STIM1: variants seen among roughly 807,000 people sequenced by gnomAD.
The protein encoded by STIM1 is stromal interaction molecule 1.
In STIM1, 25 loss-of-function variants were observed where a neutral mutation model predicts 74.7. That is an observed-to-expected ratio of 0.33 (90% CI 0.24 to 0.47). STIM1 has a LOEUF of 0.47. Ranked by LOEUF, STIM1 falls within the 20% of genes least tolerant of loss-of-function variation. The pLI is 1.00. For synonymous variants in STIM1, 328 were observed against 348.8 expected (o/e 0.94, Z 0.66); for missense variants, 728 against 920.8 (o/e 0.79, Z 2.71).
rs534701274 is a variant in STIM1 at position 4,082,122 on chromosome 11, A to T, written c.970-62A>T. 1.9e-3 allele frequency: 2,902 copies of T among 1,541,170 alleles called. 9 individuals are homozygous for T. Among genetic ancestry groups the T allele is most frequent in the Middle Eastern group, 2.4e-3 (14 of 5,728 alleles). On this transcript the variant is annotated intron_variant, in intron 7 of 12. Coordinates refer to ENST00000526596, the MANE Select transcript of STIM1 (RefSeq NM_001382567.1). ...TAAGAAGTCTGAGTTCTGAAGCATC[A>T]TACAGAGATGTTGGAGAGTCTTAGT...
intron 12 of STIM1, 176 bp downstream of exon 12, chr11:4,086,719 A>C: frequency 6.5e-7 from 1 of 1,537,570 alleles, no homozygotes; most frequent in Non-Finnish European, 8.7e-7. Context: ...TACCACCACC[A>C]CCACCACCAC....
intron 1 of STIM1, among the ~76,000 whole-genome samples, chr11:3,920,072 C>G (rs957108285): frequency 6.6e-6 from 1 of 151,860 alleles, no homozygotes; most frequent in Non-Finnish European, 1.5e-5. Context: ...AGCAAGACCC[C>G]TGTTTCTTAA....
intron 1 of STIM1, among the ~76,000 whole-genome samples, chr11:3,935,059 A>G (rs2092916253): frequency 6.6e-6 from 1 of 152,280 alleles, no homozygotes; most frequent in South Asian, 2.1e-4. Context: ...TCGCAGCTGC[A>G]GTTGCAGCAA....
At position 4,083,517 on chromosome 11, in the gene STIM1, G is replaced by A. The variant is rs772411045; in HGVS notation, c.1474+19G>A. On this transcript the variant is annotated intron_variant, in intron 10 of 12. Coordinates refer to ENST00000526596, the MANE Select transcript of STIM1 (RefSeq NM_001382567.1). ...ATGCAGTGTAGGTGACCTCTTTGCG[G>A]GGATGAAGGAAGGAGCCTTTGATGT... 6.2e-7 allele frequency: 1 copy of A among 1,601,342 alleles called. No individual in the cohort carries two copies. Among genetic ancestry groups the A allele is most frequent in the South Asian group, 1.1e-5 (1 of 89,596 alleles).
chr11:3,977,874 A>G (rs936125391), intron 2 of STIM1, among the ~76,000 whole-genome samples: 1 of 152,112 alleles, frequency 6.6e-6, no homozygotes, highest in Non-Finnish European at 1.5e-5. Flanking sequence ...TTCTCCCTCA[A>G]CATGAGGGTA....
At chr11:4,074,884 AT>A (rs2094428981) in intron 7 of STIM1, among the ~76,000 whole-genome samples, 1 of 152,236 alleles carries the variant, frequency 6.6e-6, no homozygotes, top group Non-Finnish European at 1.5e-5. Flanking sequence ...CATGCCTGTA[AT>A]TCTAGCACTT....
At chr11:3,993,912 A>G (rs2093637907) in intron 2 of STIM1, among the ~76,000 whole-genome samples, 1 of 152,196 alleles carries the variant, frequency 6.6e-6, no homozygotes, top group South Asian at 2.1e-4. Flanking sequence ...TCATAAGGGA[A>G]AGGGATCTGT....
At chr11:3,916,650 C>G (rs1172240237) in intron 1 of STIM1, among the ~76,000 whole-genome samples, 1 of 152,048 alleles carries the variant, frequency 6.6e-6, no homozygotes. Flanking sequence ...TGGGGTTTCA[C>G]TGTGTTGACC....
At chr11:3,911,333 T>A (rs2092559074) in intron 1 of STIM1, among the ~76,000 whole-genome samples, 1 of 152,218 alleles carries the variant, frequency 6.6e-6, no homozygotes, top group South Asian at 2.1e-4. Flanking sequence ...TTCTGCATAT[T>A]GTCTTTTCAG....
intron 2 of STIM1, among the ~76,000 whole-genome samples, chr11:3,971,357 GTC>G (rs2093392315): frequency 6.6e-6 from 1 of 151,932 alleles, no homozygotes; most frequent in Admixed American, 6.6e-5. Flanking sequence ...GTGAAACCCC[GTC>G]TCTACTAAAA....
intron 1 of STIM1, among the ~76,000 whole-genome samples, chr11:3,899,041 A>C (rs2092272912): frequency 6.6e-6 from 1 of 152,120 alleles, no homozygotes; most frequent in Non-Finnish European, 1.5e-5. Context: ...AGTTTTTTCC[A>C]ATTCTGTGAA....
intron 6 of STIM1, among the ~76,000 whole-genome samples, chr11:4,071,421 G>T (rs1222531935): frequency 6.6e-6 from 1 of 152,056 alleles, no homozygotes; most frequent in East Asian, 1.9e-4. Flanking sequence ...CATGAACATG[G>T]CTCACTGCAG....
chr11:3,882,361 A>T (rs1436046834), intron 1 of STIM1, among the ~76,000 whole-genome samples: 2 of 151,952 alleles, frequency 1.3e-5, no homozygotes, highest in Non-Finnish European at 2.9e-5. Context: ...AGCCTCCCAA[A>T]GTGCTGGGAT....
chr11:4,028,504 G>A (rs1020468669), intron 3 of STIM1, among the ~76,000 whole-genome samples: 7 of 150,022 alleles, frequency 4.7e-5, no homozygotes, highest in African/African-American at 1.7e-4. Flanking sequence ...TGCCTTCCAA[G>A]TTCAAGAGAT....
chr11:4,019,367 C>T (rs2959060), intron 2 of STIM1, among the ~76,000 whole-genome samples: 123,330 of 151,996 alleles, frequency 0.81, 51,942 homozygotes, highest in East Asian at 0.95. Flanking sequence ...TTATTTGTAA[C>T]TGATACATAA....
At chr11:3,904,544 T>C (rs1272600947) in intron 1 of STIM1, among the ~76,000 whole-genome samples, 5 of 152,238 alleles carry the variant, frequency 3.3e-5, no homozygotes, top group Middle Eastern at 6.8e-3. Flanking sequence ...GGGTGTGACA[T>C]GACCAGAGTG....
At chr11:3,984,438 C>T (rs1171322048) in intron 2 of STIM1, among the ~76,000 whole-genome samples, 1 of 152,130 alleles carries the variant, frequency 6.6e-6, no homozygotes, top group East Asian at 1.9e-4. Context: ...TAGCTGACAC[C>T]ATGAATGACA....
chr11:3,978,886 G>A (rs1305210105), intron 2 of STIM1, among the ~76,000 whole-genome samples: 1 of 152,080 alleles, frequency 6.6e-6, no homozygotes, highest in Non-Finnish European at 1.5e-5. Context: ...TCAGGTTCCC[G>A]ATGCCACCAT....
At chr11:3,989,526 A>G in intron 2 of STIM1, 1 of 588,584 alleles carries the variant, frequency 1.7e-6, no homozygotes, top group Non-Finnish European at 3.2e-6. Flanking sequence ...AGCCTTCGCG[A>G]AGCTGGGCTG....
Sources: allele counts gnomAD v4.1 joint callset (sites outside exome capture counted in the v4.1 genomes callset), GRCh38; gene constraint gnomAD v4.1.1; transcripts MANE v1.5; gene names NCBI Gene and HGNC (gene_info 2026-07-23, HGNC 2026-07-21).